Variants in FSTL5 observed in about 807,000 individuals in gnomAD.
The protein encoded by FSTL5 is follistatin like 5, also known as follistatin-related protein 5.
A neutral mutation model predicts 89.1 loss-of-function variants in FSTL5; 62 were observed. The ratio of observed to expected loss-of-function variants is 0.70; its 90% confidence interval spans 0.57 to 0.86. The LOEUF (loss-of-function observed/expected upper bound fraction) is 0.86, where lower values mean the gene tolerates loss of function less well. FSTL5 is among the 40% of genes least tolerant of loss of function. The pLI is 0.00. For missense variants in FSTL5, 1,057 were observed against 1,001.6 expected (o/e 1.06, Z -0.75); for synonymous variants, 383 against 346.2 (o/e 1.11, Z -1.18).
At chr4:161,735,950 A>C (rs1739795736) in intron 6 of FSTL5, among the ~76,000 whole-genome samples, 1 of 152,130 alleles carries the variant, frequency 6.6e-6, no homozygotes. Flanking sequence ...GAGAAAGAAA[A>C]GGGAAGAGAA....
intron 6 of FSTL5, among the ~76,000 whole-genome samples, chr4:161,668,969 G>A (rs544085638): frequency 5.3e-5 from 8 of 151,598 alleles, no homozygotes; most frequent in East Asian, 2.0e-4. Flanking sequence ...AAAATTAGCC[G>A]GGTGTGGTGG....
intron 3 of FSTL5, among the ~76,000 whole-genome samples, chr4:161,999,180 A>G (rs929813773): frequency 6.6e-6 from 1 of 152,124 alleles, no homozygotes; most frequent in Non-Finnish European, 1.5e-5. Flanking sequence ...TCCACATTGA[A>G]AGGAATATGA....
chr4:161,986,002 C>T (rs1023572139), intron 3 of FSTL5, among the ~76,000 whole-genome samples: 2 of 152,010 alleles, frequency 1.3e-5, no homozygotes, highest in African/African-American at 2.4e-5. Flanking sequence ...AGCTTTTATA[C>T]ACTATATAAA....
At chr4:161,499,075 G>A (rs867877917) in intron 12 of FSTL5, among the ~76,000 whole-genome samples, 5 of 151,992 alleles carry the variant, frequency 3.3e-5, no homozygotes, top group African/African-American at 4.8e-5. Flanking sequence ...GGAGGCACGC[G>A]CCTGTAATCC....
rs150828356 is a variant in FSTL5 at position 161,912,236 on chromosome 4, T to C, written c.409+8168A>G. On this transcript the variant is annotated intron_variant, in intron 4 of 15. Transcript: ENST00000306100. ...TTCAATATTTTGTAAGTTATAGAAA[T>C]ATTGCATTCAGCATTTGACAAGAGG... 1.0e-3 allele frequency among the ~76,000 whole-genome samples: 158 copies of C among 152,298 alleles called. 1 individual carries two copies. The highest frequency in any genetic ancestry group is 3.6e-3 in the African/African-American group (150 of 41,558).
chr4:161,386,580 T>C (rs1008710076), intron 15 of FSTL5, 131 bp from the exon 16 acceptor site: 24 of 624,962 alleles, frequency 3.8e-5, no homozygotes, highest in Non-Finnish European at 1.1e-5. Context: ...TGTGTTACAA[T>C]TGTGCTAGAA....
chr4:161,774,902 A>G (rs1741350930), intron 5 of FSTL5, among the ~76,000 whole-genome samples: 1 of 152,086 alleles, frequency 6.6e-6, no homozygotes, highest in African/African-American at 2.4e-5. Flanking sequence ...AATGCCTAGG[A>G]TTTGGTAACT....
intron 13 of FSTL5, among the ~76,000 whole-genome samples, chr4:161,479,434 C>G (rs1578865933): frequency 1.3e-5 from 2 of 152,140 alleles, no homozygotes; most frequent in East Asian, 1.9e-4. Context: ...GTATAGTTCT[C>G]TAGTTTGAAA....
Position 161,455,121 on chromosome 4 carries a change from G to T in FSTL5, c.1724C>A (p.Thr575Asn), listed in dbSNP as rs148924983. 9.0e-5 allele frequency: 144 copies of T among 1,605,948 alleles called. No individual in the cohort carries two copies. In the African/African-American group the frequency reaches 1.7e-3, roughly 19 times the overall value. Reference protein sequence around the residue: ...EKTSPTLQVITLASGNVPHHT... With the variant: ...EKTSPTLQVINLASGNVPHHT... Reference sequence around the variant, plus strand: ...GTGAGGCACATTCCCACTGGCCAGGGTAATTACCTAAAGAGAACACACCTT... The same window carrying T: ...GTGAGGCACATTCCCACTGGCCAGGTTAATTACCTAAAGAGAACACACCTT... Residue 575 changes from threonine (T) to asparagine (N), a missense_variant, in exon 15 of 16, where the codon ACC (threonine) becomes AAC (asparagine). Physicochemically the swap from Thr to Asn is moderately conservative, Grantham distance 65. This residue lies in a region of FSTL5 where 980 missense variants were observed against 903.2 expected (regional missense o/e 1.08). Coordinates refer to ENST00000306100, the MANE Select transcript of FSTL5 (RefSeq NM_020116.5).
chr4:161,953,416 A>G (rs1206689568), intron 3 of FSTL5, among the ~76,000 whole-genome samples: 1 of 151,642 alleles, frequency 6.6e-6, no homozygotes, highest in Admixed American at 6.6e-5. Context: ...TGGTTAAATA[A>G]CCTGGAAAAA....
intron 15 of FSTL5, among the ~76,000 whole-genome samples, chr4:161,431,781 C>A (rs192201387): frequency 6.6e-6 from 1 of 152,126 alleles, no homozygotes; most frequent in East Asian, 1.9e-4. Context: ...AAGATATTTT[C>A]TGCCAATGGA....
chr4:161,463,174 T>A (rs1176536733), intron 13 of FSTL5, among the ~76,000 whole-genome samples: 2 of 152,126 alleles, frequency 1.3e-5, no homozygotes, highest in Non-Finnish European at 2.9e-5. Context: ...TATCAGCCAA[T>A]TTTCAAAATA....
intron 4 of FSTL5, among the ~76,000 whole-genome samples, chr4:161,807,997 G>A (rs1399327461): frequency 6.6e-6 from 1 of 152,078 alleles, no homozygotes; most frequent in Admixed American, 6.5e-5. Context: ...TTTGTGGTAT[G>A]GTTACTGAGT....
chr4:161,655,256 C>A (rs571081284), intron 7 of FSTL5, among the ~76,000 whole-genome samples: 12 of 151,930 alleles, frequency 7.9e-5, no homozygotes, highest in African/African-American at 2.9e-4. Context: ...AGATGATTAA[C>A]CAAGAGTAGT....
chr4:161,845,053 A>C (rs1249447191), intron 4 of FSTL5, among the ~76,000 whole-genome samples: 2 of 152,182 alleles, frequency 1.3e-5, no homozygotes, highest in Non-Finnish European at 2.9e-5. Flanking sequence ...AAGTAATTAA[A>C]AAGAAATAGA....
intron 15 of FSTL5, among the ~76,000 whole-genome samples, chr4:161,393,525 C>T (rs571798599): frequency 4.5e-4 from 68 of 152,006 alleles, no homozygotes; most frequent in Non-Finnish European, 4.4e-5. Flanking sequence ...AGCTACATCC[C>T]GGCTTCAGCT....
In FSTL5 at chr4:161,482,058, C is replaced by T. The variant is rs150269164; in HGVS notation, c.1459-889G>A. Among the ~76,000 whole-genome samples the T allele has an allele frequency of 6.0e-4, 92 of 152,294 alleles. No homozygotes were observed. In the Middle Eastern group the frequency reaches 0.017, roughly 28 times the overall value. ...TGTGCAGGCCGGGCGTGGTGGCTCA[C>T]GCCTGTAATCCCAGCACTTTGGGAG... On this transcript the variant is annotated intron_variant, in intron 12 of 15. Coordinates refer to ENST00000306100, the MANE Select transcript of FSTL5 (RefSeq NM_020116.5).
At chr4:161,808,233 A>T (rs67452127) in intron 4 of FSTL5, among the ~76,000 whole-genome samples, 3 of 151,972 alleles carry the variant, frequency 2.0e-5, no homozygotes, top group African/African-American at 4.8e-5. Context: ...CCAATGTATG[A>T]TTGCAAAGTA....
chr4:161,857,232 G>A (rs1175170450), intron 4 of FSTL5, among the ~76,000 whole-genome samples: 1 of 152,100 alleles, frequency 6.6e-6, no homozygotes, highest in East Asian at 1.9e-4. Flanking sequence ...TGAAAATGCT[G>A]AGAATTGATC....
Sources: allele counts gnomAD v4.1 joint callset (sites outside exome capture counted in the v4.1 genomes callset), GRCh38; gene constraint gnomAD v4.1.1; regional missense constraint gnomAD v4.1.1; transcripts MANE v1.5; gene names NCBI Gene and HGNC (gene_info 2026-07-23, HGNC 2026-07-21).